SGPP2: variants seen among roughly 807,000 people sequenced by gnomAD.
SGPP2 encodes sphingosine 1-phosphate phosphohydrolase 2.
Under a neutral mutation model 33.9 loss-of-function variants are expected in SGPP2, and 30 were observed. The observed-to-expected ratio is 0.89, with a 90% confidence interval of 0.66 to 1.20. The LOEUF (loss-of-function observed/expected upper bound fraction) is 1.20. Among genes scored for constraint, SGPP2 ranks in the 50% most tolerant of loss-of-function variants. The pLI is 0.00. For synonymous variants in SGPP2, 233 were observed against 225.0 expected (o/e 1.04, Z -0.32); for missense variants, 458 against 532.1 (o/e 0.86, Z 1.37).
intron 1 of SGPP2, among the ~76,000 whole-genome samples, chr2:222,434,975 TACACACACACACACACAC>T (rs71053082): frequency 1.4e-5 from 2 of 146,088 alleles, no homozygotes; most frequent in South Asian, 2.2e-4. Context: ...TGGAGATATA[TACACACACACACACACAC>T]ACACACACAC....
chr2:222,503,282 G>A (rs2106119519), intron 2 of SGPP2, among the ~76,000 whole-genome samples: 1 of 152,300 alleles, frequency 6.6e-6, no homozygotes, highest in South Asian at 2.1e-4. Flanking sequence ...AAAACTATAT[G>A]TTAAAATGAC....
chr2:222,478,758 G>C (rs1049302456), intron 2 of SGPP2, among the ~76,000 whole-genome samples: 7 of 151,246 alleles, frequency 4.6e-5, no homozygotes, highest in African/African-American at 7.4e-5. Context: ...TACATTAAGG[G>C]TGACTCACAC....
chr2:222,483,163 T>G (rs1354966269), intron 2 of SGPP2, among the ~76,000 whole-genome samples: 1 of 152,238 alleles, frequency 6.6e-6, no homozygotes, highest in Admixed American at 6.5e-5. Context: ...GTGTTTTGAA[T>G]CACCTCAGTA....
chr2:222,507,373 T>C (rs1430594500), intron 2 of SGPP2, among the ~76,000 whole-genome samples: 1 of 152,228 alleles, frequency 6.6e-6, no homozygotes, highest in Non-Finnish European at 1.5e-5. Context: ...AGATTTGTGG[T>C]ATCACATTTA....
At chr2:222,493,126 C>G (rs1283630896) in intron 2 of SGPP2, among the ~76,000 whole-genome samples, 2 of 152,190 alleles carry the variant, frequency 1.3e-5, no homozygotes, top group African/African-American at 4.8e-5. Flanking sequence ...TATAGCAGTG[C>G]CCCACTACTT....
At chr2:222,469,084 T>C (rs1275432965) in intron 1 of SGPP2, among the ~76,000 whole-genome samples, 1 of 152,244 alleles carries the variant, frequency 6.6e-6, no homozygotes, top group Non-Finnish European at 1.5e-5. Context: ...CTAGTAATAA[T>C]GGGTAATAAT....
At position 222,524,967 on chromosome 2, in the gene SGPP2, G is replaced by T. The variant is rs781019070; in HGVS notation, c.582G>T (p.Val194=). 6 of 1,613,914 alleles carry T rather than the reference G, an allele frequency of 3.7e-6. No individual in the cohort carries two copies. Among genetic ancestry groups the T allele is most frequent in the Non-Finnish European group, 5.1e-6 (6 of 1,179,940 alleles). The change falls in exon 4 of 5, where the codon GTG becomes GTT. Residue 194 remains valine (V), a synonymous_variant. Coordinates refer to ENST00000321276, the MANE Select transcript of SGPP2 (RefSeq NM_152386.4). The part of the protein sequence containing the change: ...RYQYPFVLGL[V]MAVVFSTLVC... ...AGTATCCATTTGTGTTGGGACTGGT[G>T]ATGGCCGTGGTGTTTTCCACCTTGG...
At chr2:222,535,821 G>C (rs1049804844) in intron 4 of SGPP2, among the ~76,000 whole-genome samples, 6 of 152,346 alleles carry the variant, frequency 3.9e-5, no homozygotes, top group African/African-American at 1.4e-4. Flanking sequence ...AGCCAAATGG[G>C]CTAAGACTCT....
At chr2:222,497,809 A>C (rs1698304294) in intron 2 of SGPP2, among the ~76,000 whole-genome samples, 1 of 152,242 alleles carries the variant, frequency 6.6e-6, no homozygotes, top group Non-Finnish European at 1.5e-5. Context: ...ACTACTGTTT[A>C]GGATGTGATG....
At chr2:222,551,366 A>G (rs900358952) in intron 4 of SGPP2, among the ~76,000 whole-genome samples, 2 of 152,222 alleles carry the variant, frequency 1.3e-5, no homozygotes, top group African/African-American at 4.8e-5. Flanking sequence ...TGAATATGCA[A>G]AAAAATAAAA....
intron 1 of SGPP2, among the ~76,000 whole-genome samples, chr2:222,454,160 T>G (rs1423908460): frequency 2.0e-5 from 3 of 152,314 alleles, no homozygotes. Flanking sequence ...ACTTCATGAT[T>G]TTTTTTGCCA....
chr2:222,459,122 T>TTTTC (rs1276411843), intron 1 of SGPP2, among the ~76,000 whole-genome samples: 2,493 of 138,696 alleles, frequency 0.018, 87 homozygotes, highest in Middle Eastern at 0.051. Flanking sequence ...ACACACTTTT[T>TTTTC]TTTCTTTCTT....
At chr2:222,514,486 C>T (rs1348980803) in intron 2 of SGPP2, among the ~76,000 whole-genome samples, 1 of 152,130 alleles carries the variant, frequency 6.6e-6, no homozygotes, top group Non-Finnish European at 1.5e-5. Flanking sequence ...GCATGAGCCA[C>T]TCACTACACC....
intron 2 of SGPP2, among the ~76,000 whole-genome samples, chr2:222,478,409 C>T (rs531253217): frequency 6.6e-6 from 1 of 151,822 alleles, no homozygotes; most frequent in African/African-American, 2.4e-5. Context: ...GGGCAAGTCC[C>T]GGAGGTTGGG....
rs139808623 is a variant in SGPP2 at position 222,474,659 on chromosome 2, C to T, written c.311C>T (p.Thr104Met). 2.0e-4 allele frequency: 324 copies of T among 1,613,678 alleles called. 1 individual carries two copies. The highest frequency in any genetic ancestry group is 1.0e-3 in the African/African-American group (77 of 74,912). ...TTGGGCCAAGAAGTGTTCTACATCA[C>T]GTTTCTTCCATTCACTCACTGGAAT... ...AALGQEVFYI[T>M]FLPFTHWNID... is the part of the protein sequence containing the mutation. The change falls in exon 2 of 5, where the codon ACG becomes ATG. Residue 104 changes from threonine to methionine, a missense_variant. Physicochemically the swap from Thr to Met is moderately conservative, Grantham distance 81. Transcript: ENST00000321276.
At chr2:222,524,064 T>G (rs1698723270) in intron 3 of SGPP2, among the ~76,000 whole-genome samples, 1 of 152,166 alleles carries the variant, frequency 6.6e-6, no homozygotes, top group Admixed American at 6.5e-5. Context: ...AAGCTCCTGT[T>G]GTGAGGGTCA....
intron 1 of SGPP2, among the ~76,000 whole-genome samples, chr2:222,471,482 T>C (rs1278721719): frequency 6.6e-6 from 1 of 152,154 alleles, no homozygotes; most frequent in Non-Finnish European, 1.5e-5. Context: ...AATACAACAA[T>C]GATCCTTTAA....
At chr2:222,546,180 AT>A (rs146865056) in intron 4 of SGPP2, among the ~76,000 whole-genome samples, 129 of 152,218 alleles carry the variant, frequency 8.5e-4, no homozygotes, top group Admixed American at 3.3e-3. Flanking sequence ...GATTTATTTG[AT>A]TTTTTTAAAG....
chr2:222,468,333 A>T (rs1697782861), intron 1 of SGPP2, among the ~76,000 whole-genome samples: 1 of 151,824 alleles, frequency 6.6e-6, no homozygotes, highest in South Asian at 2.1e-4. Context: ...ATATCATTTT[A>T]TATAGTAGGC....
Sources: allele counts gnomAD v4.1 joint callset (sites outside exome capture counted in the v4.1 genomes callset), GRCh38; gene constraint gnomAD v4.1.1; transcripts MANE v1.5; gene names NCBI Gene and HGNC (gene_info 2026-07-23, HGNC 2026-07-21).